Variants in FSTL5 observed in about 807,000 individuals in gnomAD.
The protein encoded by FSTL5 is follistatin like 5.
FSTL5 carries 62 observed loss-of-function variants against 89.1 expected under a neutral mutation model. The observed-to-expected ratio is 0.70, with a 90% CI of 0.57 to 0.86. The LOEUF is 0.86. FSTL5 is among the 40% of genes least tolerant of loss of function. The probability of loss-of-function intolerance (pLI) is 0.00; values close to 1 mark genes in which losing one functional copy is unlikely to be tolerated. For synonymous variants in FSTL5, 383 were observed against 346.2 expected, an observed-to-expected ratio of 1.11 and a Z score of -1.18; for missense variants, 1,057 against 1,001.6, an observed-to-expected ratio of 1.06 and a Z score of -0.75.
chr4:161,550,105 G>C (rs1732148019), intron 8 of FSTL5, among the ~76,000 whole-genome samples: 1 of 151,872 alleles, frequency 6.6e-6, no homozygotes, highest in African/African-American at 2.4e-5. Context: ...AGGCAGGGGA[G>C]GGTGTCCTCA....
At chr4:161,712,235 C>T (rs35126302) in intron 6 of FSTL5, among the ~76,000 whole-genome samples, 78,140 of 151,806 alleles carry the variant, frequency 0.51, 23,556 homozygotes, top group East Asian at 0.66. Context: ...TCATTGAATT[C>T]GTACACTTCA....
At chr4:161,571,139 G>C (rs142581044) in intron 8 of FSTL5, among the ~76,000 whole-genome samples, 1,997 of 151,968 alleles carry the variant, frequency 0.013, 33 homozygotes, top group Non-Finnish European at 0.018. Context: ...GGGAAGACAC[G>C]GCCAAGATGA....
rs566922488 is a variant in FSTL5, at chr4:161,921,274, A to G, written c.161-622T>C. 1.1e-4 allele frequency among the ~76,000 whole-genome samples: 16 copies of G among 152,288 alleles called. No individual in the cohort carries two copies. The South Asian group carries it at 2.3e-3, about 22-fold the overall frequency. On this transcript the variant is annotated intron_variant, in intron 3 of 15. Transcript: ENST00000306100. Reference sequence around the variant, plus strand: ...TTGTTTTGACCTTTGCCACCTGACAATCACTGATGCATATCATGACTAAAT... The same window carrying G: ...TTGTTTTGACCTTTGCCACCTGACAGTCACTGATGCATATCATGACTAAAT...
At chr4:161,631,444 C>G (rs1410707273) in intron 7 of FSTL5, among the ~76,000 whole-genome samples, 2 of 152,088 alleles carry the variant, frequency 1.3e-5, no homozygotes, top group Non-Finnish European at 2.9e-5. Context: ...TGGCAAAAAC[C>G]CATTTCTACT....
chr4:161,393,343 T>C lies in FSTL5; in HGVS notation c.1842-6894A>G, dbSNP rs559442241. Among the ~76,000 whole-genome samples, 86 of 151,978 alleles carry C rather than the reference T, an allele frequency of 5.7e-4. 2 individuals carry two copies. In the South Asian group the frequency reaches 0.017, roughly 29 times the overall value. On this transcript the variant is annotated intron_variant, in intron 15 of 15. Coordinates refer to ENST00000306100, the MANE Select transcript of FSTL5 (RefSeq NM_020116.5). ...GACCAAATTCAATAATTATGCACAA[T>C]CTACTATGTGTGTACACTGTGTAAA...
intron 2 of FSTL5, among the ~76,000 whole-genome samples, chr4:162,060,664 T>C (rs1738691727): frequency 1.3e-5 from 2 of 152,036 alleles, no homozygotes; most frequent in South Asian, 4.1e-4. Flanking sequence ...ATTTGATTTT[T>C]ATTATTTTCA....
chr4:161,541,051 G>T (rs1731803637), intron 9 of FSTL5, among the ~76,000 whole-genome samples: 1 of 151,948 alleles, frequency 6.6e-6, no homozygotes, highest in Admixed American at 6.6e-5. Context: ...CCCAGCCATT[G>T]CCACAGATAC....
At chr4:161,569,339 A>G (rs146246325) in intron 8 of FSTL5, among the ~76,000 whole-genome samples, 307 of 152,284 alleles carry the variant, frequency 2.0e-3, no homozygotes, top group East Asian at 0.017. Context: ...CCCAAGGGTT[A>G]CCTGTTTCAA....
intron 7 of FSTL5, among the ~76,000 whole-genome samples, chr4:161,597,269 A>G (rs1294121934): frequency 6.6e-6 from 1 of 152,040 alleles, no homozygotes; most frequent in Non-Finnish European, 1.5e-5. Flanking sequence ...TTTTCCCAGC[A>G]CCATTTGTTA....
At chr4:161,689,170 G>A (rs1015171941) in intron 6 of FSTL5, among the ~76,000 whole-genome samples, 1 of 152,110 alleles carries the variant, frequency 6.6e-6, no homozygotes, top group South Asian at 2.1e-4. Context: ...GCTTAAGAAA[G>A]CCCTCTTCAC....
chr4:161,973,833 C>G (rs990238611), intron 3 of FSTL5, among the ~76,000 whole-genome samples: 1 of 152,026 alleles, frequency 6.6e-6, no homozygotes, highest in African/African-American at 2.4e-5. Context: ...TATCTCCCGA[C>G]GACATGATTG....
chr4:161,396,697 T>C (rs1249377016), intron 15 of FSTL5, among the ~76,000 whole-genome samples: 2 of 142,728 alleles, frequency 1.4e-5, no homozygotes, highest in East Asian at 2.1e-4. Flanking sequence ...ATATGGGATA[T>C]AAGCCATATT....
At chr4:161,796,563 T>C (rs1484989646) in intron 4 of FSTL5, among the ~76,000 whole-genome samples, 20 of 151,826 alleles carry the variant, frequency 1.3e-4, no homozygotes, top group Admixed American at 1.3e-3. Context: ...TTTTGATTAT[T>C]GAAATCTTTG....
At chr4:162,009,661 G>A (rs575331265) in intron 3 of FSTL5, among the ~76,000 whole-genome samples, 50 of 151,898 alleles carry the variant, frequency 3.3e-4, no homozygotes, top group Admixed American at 9.8e-4. Flanking sequence ...TCATAGACTC[G>A]AAGCTAATAG....
chr4:161,942,906 A>G (rs1734628083), intron 3 of FSTL5, among the ~76,000 whole-genome samples: 1 of 152,210 alleles, frequency 6.6e-6, no homozygotes, highest in Non-Finnish European at 1.5e-5. Context: ...CACATATGAC[A>G]TGATCTTATA....
In FSTL5 at chr4:161,652,495, A is replaced by G. The variant is rs537720888; in HGVS notation, c.894+3833T>C. The stretch of plus-strand genomic sequence containing the variant: ...AAATGGGCATAAGATTCCCTGCTTC[A>G]TAGAGTTGTTCTTAGGGCCAGTGAG... On this transcript the variant is annotated intron_variant, in intron 7 of 15. Coordinates refer to ENST00000306100, the MANE Select transcript of FSTL5 (RefSeq NM_020116.5). Among the ~76,000 whole-genome samples, 115 of 152,282 alleles carry G rather than the reference A, an allele frequency of 7.6e-4. 1 individual carries two copies. The highest frequency in any genetic ancestry group is 2.7e-3 in the African/African-American group (112 of 41,564).
At chr4:161,905,594 G>A (rs1325331358) in intron 4 of FSTL5, among the ~76,000 whole-genome samples, 2 of 151,992 alleles carry the variant, frequency 1.3e-5, no homozygotes, top group Non-Finnish European at 2.9e-5. Flanking sequence ...GAAGACTCTG[G>A]GGACTCACAA....
At chr4:161,474,050 C>T (rs1734040468) in intron 13 of FSTL5, among the ~76,000 whole-genome samples, 1 of 152,086 alleles carries the variant, frequency 6.6e-6, no homozygotes. Flanking sequence ...TTATTGTCTT[C>T]ATTCATGTTT....
At chr4:161,593,127 A>G (rs1375097388) in intron 7 of FSTL5, among the ~76,000 whole-genome samples, 1 of 152,130 alleles carries the variant, frequency 6.6e-6, no homozygotes, top group African/African-American at 2.4e-5. Context: ...TTAATTTTAT[A>G]TACAATATTT....
Sources: gnomAD v4.1 joint callset for allele counts (sites outside exome capture counted in the v4.1 genomes callset) on GRCh38, gnomAD v4.1.1 for gene constraint, MANE v1.5 for transcripts, NCBI Gene and HGNC (gene_info 2026-07-23, HGNC 2026-07-21) for gene names.